Variants in PRH1 observed in about 807,000 individuals in gnomAD.
The protein encoded by PRH1 is salivary acidic proline-rich phosphoprotein 1/2.
In PRH1, 7 loss-of-function variants were observed where a neutral mutation model predicts 7.9. That is an observed-to-expected ratio of 0.89 (90% CI 0.50 to 1.67). The LOEUF (loss-of-function observed/expected upper bound fraction) is 1.67, where lower values mean the gene tolerates loss of function less well. Ranked by LOEUF, PRH1 falls within the 40% of genes most tolerant of loss-of-function variation. PRH1 has a pLI of 0.00. For synonymous variants in PRH1, 45 were observed against 80.8 expected (o/e 0.56, Z 2.38); for missense variants, 109 against 223.6 (o/e 0.49, Z 3.27).
intron 1 of PRH1, among the ~76,000 whole-genome samples, chr12:11,004,513 A>C (rs1292546798): frequency 1.3e-5 from 2 of 152,102 alleles, no homozygotes; most frequent in African/African-American, 4.8e-5. Flanking sequence ...AAAAATAAAT[A>C]AAATATTATT....
chr12:10,985,176 C>G (rs1939546827), intron 1 of PRH1, among the ~76,000 whole-genome samples: 1 of 152,002 alleles, frequency 6.6e-6, no homozygotes. Flanking sequence ...CATGTTGAGA[C>G]TTATGACAAC....
At chr12:10,883,481 T>C (rs968485026) in intron 1 of PRH1, among the ~76,000 whole-genome samples, 2 of 152,102 alleles carry the variant, frequency 1.3e-5, no homozygotes, top group Non-Finnish European at 2.9e-5. Flanking sequence ...TTAGCGCTTA[T>C]TTAGTTAAAC....
At chr12:11,053,772 T>C (rs926213724) in intron 1 of PRH1, among the ~76,000 whole-genome samples, 3 of 152,098 alleles carry the variant, frequency 2.0e-5, no homozygotes, top group African/African-American at 7.2e-5. Context: ...AGCACTAGAG[T>C]TAAGGGTGGT....
chr12:11,041,559 T>C (rs902070012), intron 1 of PRH1, among the ~76,000 whole-genome samples: 13 of 152,180 alleles, frequency 8.5e-5, no homozygotes, highest in South Asian at 2.1e-4. Context: ...ACTTTCAGCA[T>C]TGGACAGATC....
At chr12:11,108,500 GGT>G (rs1945496418) in intron 1 of PRH1, among the ~76,000 whole-genome samples, 1 of 152,184 alleles carries the variant, frequency 6.6e-6, no homozygotes, top group South Asian at 2.1e-4. Context: ...TTAGACAGCG[GGT>G]GAAGCCCACG....
intron 1 of PRH1, among the ~76,000 whole-genome samples, chr12:10,989,633 C>T (rs1171241144): frequency 6.6e-6 from 1 of 152,140 alleles, no homozygotes; most frequent in East Asian, 1.9e-4. Context: ...CCACTTTATA[C>T]AGTCAAAATT....
At chr12:11,070,565 C>T (rs1341934598) in intron 1 of PRH1, among the ~76,000 whole-genome samples, 1 of 152,196 alleles carries the variant, frequency 6.6e-6, no homozygotes. Flanking sequence ...TCCTTTCTTT[C>T]CTGCTCTCTT....
intron 1 of PRH1, chr12:11,031,017 A>G (rs1176819365): frequency 6.2e-7 from 1 of 1,614,200 alleles, no homozygotes; most frequent in African/African-American, 1.3e-5. Context: ...ATCTTGAGCA[A>G]ATAAAATATG....
At chr12:11,108,443 T>G (rs1251295142) in intron 1 of PRH1, among the ~76,000 whole-genome samples, 1 of 152,184 alleles carries the variant, frequency 6.6e-6, no homozygotes, top group African/African-American at 2.4e-5. Flanking sequence ...AGGTGGGTGA[T>G]TTCTGCATTT....
Position 11,091,930 on chromosome 12 carries a change from A to G in PRH1, n.124-44742T>C, listed in dbSNP as rs745322342. The G allele has an allele frequency of 4.1e-5, 50 of 1,229,920 alleles. 10 individuals are homozygous for G. In the African/African-American group the frequency reaches 6.4e-4, roughly 16 times the overall value. The allele number at this position is 1,229,920 out of a possible 1,614,324, so 76.2% of individuals were successfully genotyped here. On this transcript the variant is annotated intron_variant and non_coding_transcript_variant, in intron 1 of 4. Transcript: ENST00000541977. ...TGAGCAAATAAAATATGCTGAGGGT[A>G]GTAGCAAGCCAGTTGCTGAAATGGT...
At chr12:10,967,459 C>T (rs1025759958) in intron 2 of PRH1, among the ~76,000 whole-genome samples, 12 of 152,282 alleles carry the variant, frequency 7.9e-5, no homozygotes, top group Middle Eastern at 3.4e-3. Context: ...TGCAAAGAGC[C>T]TAGGTCCACC....
intron 2 of PRH1, among the ~76,000 whole-genome samples, chr12:10,923,991 T>TG (rs1950088653): frequency 9.1e-5 from 1 of 10,996 alleles, no homozygotes; most frequent in Non-Finnish European, 1.5e-3. Context: ...TCTCCATCTG[T>TG]TTTTTTTTTT....
chr12:10,901,891 T>C (rs1199009932), intron 2 of PRH1, among the ~76,000 whole-genome samples: 2 of 151,672 alleles, frequency 1.3e-5, no homozygotes, highest in East Asian at 1.9e-4. Context: ...TTACAAAAAT[T>C]AGAAGTGCCA....
At chr12:11,049,277 AG>A (rs1943040874), upstream of PRH1, 40,074 of 500,930 alleles carry the variant, frequency 0.08, no homozygotes, top group East Asian at 0.17. Flanking sequence ...ATGAAAAGAA[AG>A]AAAAAATGCA....
chr12:11,047,165 G>A, exon 1 of PRH1: 1 of 408,774 alleles, frequency 2.4e-6, no homozygotes. Context: ...TGCCCTTGGG[G>A]CCTTGAGCCA....
At chr12:11,067,977 A>G (rs762291845) in intron 1 of PRH1, among the ~76,000 whole-genome samples, 84 of 152,162 alleles carry the variant, frequency 5.5e-4, no homozygotes, top group Non-Finnish European at 1.1e-3. Flanking sequence ...AATATGCTGT[A>G]TCACCCTAAT....
rs1293387219 is a variant in PRH1, at chr12:11,081,389, A to C, written n.124-34201T>G. Among the ~76,000 whole-genome samples, 2 of 115,826 alleles carry C rather than the reference A, an allele frequency of 1.7e-5. 1 individual carries two copies. Among genetic ancestry groups the C allele is most frequent in the African/African-American group, 5.8e-5 (2 of 34,576 alleles). 76.0% of individuals were successfully genotyped at this position (115,826 alleles called of 152,430 possible). On this transcript the variant is annotated intron_variant and non_coding_transcript_variant, in intron 1 of 4. Coordinates refer to the PRH1 transcript ENST00000541977. ...GGAGAAACTGAACAAACTACTCTTA[A>C]CACCATGTTCTTTTTAAAAGCATTT... is the stretch of plus-strand genomic sequence containing the variant.
chr12:11,031,251 A>G (rs746240623), intron 1 of PRH1: 31 of 1,614,006 alleles, frequency 1.9e-5, no homozygotes, highest in East Asian at 2.2e-5. Flanking sequence ...GAATTTACCA[A>G]TGCTATGAAG....
At chr12:10,991,386 T>A (rs1939924794) in intron 1 of PRH1, among the ~76,000 whole-genome samples, 2 of 152,172 alleles carry the variant, frequency 1.3e-5, no homozygotes, top group South Asian at 4.1e-4. Context: ...ATAATGATAA[T>A]CCCCTGCCTA....
Sources: allele counts gnomAD v4.1 joint callset (sites outside exome capture counted in the v4.1 genomes callset), GRCh38; gene constraint gnomAD v4.1.1; transcripts MANE v1.5; gene names NCBI Gene and HGNC (gene_info 2026-07-23, HGNC 2026-07-21).